Variants in FAM107B observed in about 807,000 individuals in gnomAD.
The protein encoded by FAM107B is protein FAM107B.
In FAM107B, 21 loss-of-function variants were observed where a neutral mutation model predicts 31.5. The observed-to-expected ratio is 0.67, with a 90% confidence interval of 0.47 to 0.96. The LOEUF (loss-of-function observed/expected upper bound fraction) is 0.96. Among genes scored for constraint, FAM107B ranks in the 40% least tolerant of loss-of-function variants. The pLI is 0.00. For missense variants in FAM107B, 452 were observed against 377.1 expected (o/e 1.20, Z -1.64); for synonymous variants, 157 against 141.5 (o/e 1.11, Z -0.78).
chr10:14,521,388 G>A (rs2130745621), intron 4 of FAM107B, 82 bp from the exon 5 acceptor site: 1 of 1,155,406 alleles, frequency 8.7e-7, no homozygotes, highest in Non-Finnish European at 1.3e-6. Context: ...CAAAGTCCCT[G>A]ACAACTTTAC....
At chr10:14,563,288 C>G (rs534541413) in intron 2 of FAM107B, among the ~76,000 whole-genome samples, 1 of 152,168 alleles carries the variant, frequency 6.6e-6, no homozygotes, top group Non-Finnish European at 1.5e-5. Flanking sequence ...GCTGATCACA[C>G]AAAATTTGGA....
At chr10:14,575,012 T>C (rs1412735160) in intron 2 of FAM107B, among the ~76,000 whole-genome samples, 1 of 152,310 alleles carries the variant, frequency 6.6e-6, no homozygotes, top group East Asian at 1.9e-4. Context: ...TGACCTTTAA[T>C]GAAAACACTG....
At chr10:14,545,876 T>A (rs748072734) in intron 2 of FAM107B, among the ~76,000 whole-genome samples, 8 of 152,232 alleles carry the variant, frequency 5.3e-5, no homozygotes, top group Non-Finnish European at 7.3e-5. Flanking sequence ...CGGTCATTCA[T>A]CTCAGGAAAC....
chr10:14,534,022 G>A (rs1220093359), intron 2 of FAM107B, among the ~76,000 whole-genome samples: 4 of 152,168 alleles, frequency 2.6e-5, no homozygotes, highest in African/African-American at 7.2e-5. Context: ...ATGTTTTTCC[G>A]TGGGACAGTG....
intron 2 of FAM107B, among the ~76,000 whole-genome samples, chr10:14,666,633 G>C (rs141923012): frequency 6.6e-6 from 1 of 152,162 alleles, no homozygotes; most frequent in East Asian, 1.9e-4. Flanking sequence ...GGTTGGGAAC[G>C]TTTTCTCTGG....
intron 1 of FAM107B, among the ~76,000 whole-genome samples, chr10:14,752,362 C>T (rs1832846255): frequency 6.6e-6 from 1 of 152,224 alleles, no homozygotes; most frequent in Non-Finnish European, 1.5e-5. Context: ...TCCAGCTTTG[C>T]AGTTTCTCGA....
intron 2 of FAM107B, among the ~76,000 whole-genome samples, chr10:14,646,504 T>A (rs948755734): frequency 6.6e-6 from 1 of 152,194 alleles, no homozygotes; most frequent in Non-Finnish European, 1.5e-5. Context: ...AAAAGACATT[T>A]ATTCTTTTTT....
At chr10:14,613,456 C>T (rs943547) in intron 2 of FAM107B, among the ~76,000 whole-genome samples, 97,691 of 152,132 alleles carry the variant, frequency 0.64, 31,892 homozygotes, top group Middle Eastern at 0.74. Flanking sequence ...AACTTCTCTT[C>T]TTACTCAGAA....
intron 3 of FAM107B, 132 bp downstream of exon 3, chr10:14,530,200 A>G: frequency 1.0e-6 from 1 of 993,972 alleles, no homozygotes; most frequent in Non-Finnish European, 1.5e-6. Context: ...GGATGTGAGA[A>G]GGAATAAGAA....
intron 1 of FAM107B, among the ~76,000 whole-genome samples, chr10:14,675,987 G>A (rs879811300): frequency 3.3e-5 from 5 of 152,088 alleles, no homozygotes; most frequent in Non-Finnish European, 7.4e-5. Context: ...GTGAAAGCCT[G>A]TCTCTGCAAG....
chr10:14,548,544 G>A (rs1243389407), intron 2 of FAM107B: 8 of 985,376 alleles, frequency 8.1e-6, no homozygotes, highest in East Asian at 1.1e-4. Context: ...GGAGGAACCT[G>A]GGCTCTTCTC....
intron 1 of FAM107B, chr10:14,723,518 A>T (rs1855960914): frequency 1.6e-6 from 1 of 616,178 alleles, no homozygotes; most frequent in Non-Finnish European, 3.0e-6. Flanking sequence ...AAAACTTCCC[A>T]GGCCAGCATA....
rs574241222 is a variant in FAM107B at position 14,662,123 on chromosome 10, T to A, written c.469+5511A>T. On this transcript the variant is annotated intron_variant, in intron 2 of 4. Coordinates refer to ENST00000181796, the MANE Select transcript of FAM107B (RefSeq NM_031453.4). The stretch of plus-strand genomic sequence containing the variant: ...CATAGCCCAGGTTCAGTTTTTTACA[T>A]GTTCTTTATTTTTGCATTGAATATT... 3.3e-5 allele frequency among the ~76,000 whole-genome samples: 5 copies of A among 152,242 alleles called. 1 individual carries two copies. In the South Asian group the frequency reaches 1.0e-3, roughly 32 times the overall value.
intron 1 of FAM107B, among the ~76,000 whole-genome samples, chr10:14,706,796 CGTG>C (rs1855530757): frequency 1.3e-5 from 2 of 152,142 alleles, no homozygotes; most frequent in Non-Finnish European, 2.9e-5. Context: ...CTTCAGCCAT[CGTG>C]GTGGTCTTTT....
At chr10:14,695,998 G>A (rs966694720) in intron 1 of FAM107B, among the ~76,000 whole-genome samples, 9 of 152,138 alleles carry the variant, frequency 5.9e-5, no homozygotes, top group African/African-American at 1.7e-4. Flanking sequence ...TGCTCTTGCT[G>A]GTACTTCCAG....
chr10:14,528,174 GTTTTTT>G (rs34584902), intron 3 of FAM107B: 6 of 67,772 alleles, frequency 8.9e-5, no homozygotes, highest in South Asian at 3.8e-4. Flanking sequence ...TTAAGTTTTG[GTTTTTT>G]TTTTTTTTTT....
At chr10:14,726,457 C>A (rs1856038635) in intron 1 of FAM107B, among the ~76,000 whole-genome samples, 1 of 152,148 alleles carries the variant, frequency 6.6e-6, no homozygotes, top group South Asian at 2.1e-4. Context: ...AAAGAAAGGA[C>A]CAAAGCCATA....
chr10:14,728,900 A>G lies in FAM107B; in HGVS notation c.411+45353T>C, dbSNP rs76311141. Reference sequence around the variant, plus strand: ...GGGAAATGGCACAATGTTCTTCCCTATTAATCTGCCTCGTAATGAATAGCA... The same window carrying G: ...GGGAAATGGCACAATGTTCTTCCCTGTTAATCTGCCTCGTAATGAATAGCA... On this transcript the variant is annotated intron_variant, in intron 1 of 4. Transcript: ENST00000181796. Among the ~76,000 whole-genome samples, 1,084 of 152,336 alleles carry G rather than the reference A, an allele frequency of 7.1e-3. 51 individuals are homozygous for G. The East Asian group carries it at 0.13, about 19-fold the overall frequency.
intron 3 of FAM107B, among the ~76,000 whole-genome samples, chr10:14,522,466 T>A (rs1376253768): frequency 6.7e-6 from 1 of 150,286 alleles, no homozygotes; most frequent in Non-Finnish European, 1.5e-5. Flanking sequence ...CAGGCTGGAG[T>A]GCAGTGGCAG....
Sources: gnomAD v4.1 joint callset for allele counts (sites outside exome capture counted in the v4.1 genomes callset) on GRCh38, gnomAD v4.1.1 for gene constraint, MANE v1.5 for transcripts, NCBI Gene and HGNC (gene_info 2026-07-23, HGNC 2026-07-21) for gene names.